BCAS3: variants seen among roughly 807,000 people sequenced by gnomAD.
The protein encoded by BCAS3 is BCAS4/BCAS3 fusion.
Under a neutral mutation model 116.1 loss-of-function variants are expected in BCAS3, and 53 were observed. The observed-to-expected ratio is 0.46, with a 90% CI of 0.37 to 0.57. BCAS3 has a LOEUF of 0.57. Among genes scored for constraint, BCAS3 ranks in the 20% least tolerant of loss-of-function variants. The probability of loss-of-function intolerance (pLI) is 0.00; values close to 1 mark genes in which losing one functional copy is unlikely to be tolerated. For missense variants in BCAS3, 917 were observed against 1,165.4 expected (o/e 0.79, Z 3.10); for synonymous variants, 391 against 408.2 (o/e 0.96, Z 0.51).
intron 22 of BCAS3, among the ~76,000 whole-genome samples, chr17:61,182,268 A>G (rs2079524552): frequency 6.6e-6 from 1 of 152,148 alleles, no homozygotes; most frequent in South Asian, 2.1e-4. Flanking sequence ...AGGCATCTAA[A>G]CCATTTTTAG....
intron 11 of BCAS3, among the ~76,000 whole-genome samples, chr17:60,904,124 G>A (rs1340022308): frequency 6.6e-6 from 1 of 152,164 alleles, no homozygotes; most frequent in African/African-American, 2.4e-5. Flanking sequence ...ATAAGTGCAG[G>A]GCTGGGCGCT....
At chr17:61,340,059 GC>G (rs2057027040) in intron 22 of BCAS3, among the ~76,000 whole-genome samples, 1 of 152,116 alleles carries the variant, frequency 6.6e-6, no homozygotes. Context: ...CAGAGAGGGG[GC>G]AAAGCCTCAT....
Position 61,037,812 on chromosome 17 carries a change from A to G in BCAS3, c.1763-77A>G, listed in dbSNP as rs754711941. On this transcript the variant is annotated intron_variant, in intron 17 of 23. Coordinates refer to ENST00000407086, the MANE Select transcript of BCAS3 (RefSeq NM_017679.5). This position sits in a 1 kb window ranked among gnomAD's most constrained non-coding sequence, Gnocchi z 4.7. Reference sequence around the variant, plus strand: ...GCAGCCTCAGGAGCAGACTAATAAGATCATTAACTTGTAAAAATTATTCTG... The same window carrying G: ...GCAGCCTCAGGAGCAGACTAATAAGGTCATTAACTTGTAAAAATTATTCTG... 18 of 1,345,232 alleles carry G rather than the reference A, an allele frequency of 1.3e-5. No individual in the cohort carries two copies. The highest frequency in any genetic ancestry group is 1.7e-5 in the Non-Finnish European group (17 of 972,732). The allele number at this position is 1,345,232 out of a possible 1,614,324, so 83.3% of individuals were successfully genotyped here.
At chr17:60,700,859 G>A (rs1453645320) in intron 4 of BCAS3, among the ~76,000 whole-genome samples, 1 of 152,170 alleles carries the variant, frequency 6.6e-6, no homozygotes, top group East Asian at 1.9e-4. Context: ...TGGGAGGAGT[G>A]TTAGGGACAT....
chr17:61,176,712 C>G (rs143247857), intron 22 of BCAS3, among the ~76,000 whole-genome samples: 1,722 of 152,102 alleles, frequency 0.011, 19 homozygotes, highest in Middle Eastern at 0.017. Flanking sequence ...CATGTGCCAA[C>G]ATGTCCCAAC....
chr17:60,911,498 G>A (rs982378826), intron 12 of BCAS3, among the ~76,000 whole-genome samples: 44 of 152,032 alleles, frequency 2.9e-4, no homozygotes, highest in Non-Finnish European at 4.1e-4. Flanking sequence ...GAGTTTCTCC[G>A]TGTTGGCCAG....
intron 22 of BCAS3, among the ~76,000 whole-genome samples, chr17:61,172,219 A>G (rs889370370): frequency 6.6e-6 from 1 of 152,226 alleles, no homozygotes; most frequent in African/African-American, 2.4e-5. Flanking sequence ...CAAGAAGGAG[A>G]TAGAATATTT....
chr17:61,205,452 G>A lies in BCAS3; in HGVS notation c.2425+120888G>A, dbSNP rs2081065678. ...TCTACAAGAAAGATAGCTGTTGAGA[G>A]AGCTAATATCAAGGAAATGGCAAAC... On this transcript the variant is annotated intron_variant, in intron 22 of 23. Transcript: ENST00000407086. The surrounding 1 kb of genome is among the most constrained non-coding windows in gnomAD (Gnocchi z 5.2). 6.6e-6 allele frequency among the ~76,000 whole-genome samples: 1 copy of A among 152,180 alleles called. No individual in the cohort carries two copies. The highest frequency in any genetic ancestry group is 2.4e-5 in the African/African-American group (1 of 41,434).
At chr17:61,190,202 C>T (rs1215920395) in intron 22 of BCAS3, among the ~76,000 whole-genome samples, 1 of 151,994 alleles carries the variant, frequency 6.6e-6, no homozygotes, top group Admixed American at 6.6e-5. Context: ...AGAGGAAAGC[C>T]ACATTACCAC....
chr17:61,309,307 AG>A lies in BCAS3; in HGVS notation c.2426-59017del, dbSNP rs1368475726. Among the ~76,000 whole-genome samples, 1 of 152,120 alleles carries A rather than the reference AG, an allele frequency of 6.6e-6. No individual in the cohort carries two copies. Among genetic ancestry groups the A allele is most frequent in the Non-Finnish European group, 1.5e-5 (1 of 68,018 alleles). The stretch of plus-strand genomic sequence containing the variant: ...CCCTTTCGTCCTCCCCATTCATTCT[AG>A]GGTAATAAGGGCTGGTGGAGAGGCG... On this transcript the variant is annotated intron_variant, in intron 22 of 23. Coordinates refer to ENST00000407086, the MANE Select transcript of BCAS3 (RefSeq NM_017679.5). The surrounding 1 kb of genome is among the most constrained non-coding windows in gnomAD (Gnocchi z 4.6).
chr17:61,211,025 TC>T lies in BCAS3; in HGVS notation c.2425+126464del, dbSNP rs1167782359. Among the ~76,000 whole-genome samples the T allele has an allele frequency of 6.6e-6, 1 of 151,578 alleles. No individual in the cohort carries two copies. Among genetic ancestry groups the T allele is most frequent in the African/African-American group, 2.4e-5 (1 of 41,222 alleles). On this transcript the variant is annotated intron_variant, in intron 22 of 23. Transcript: ENST00000407086. This position sits in a 1 kb window ranked among gnomAD's most constrained non-coding sequence, Gnocchi z 4.4. The stretch of plus-strand genomic sequence containing the variant: ...AGCCAAAGGCTTCCCTAAGCTAGGG[TC>T]CCATAGTCTTCCCCAAGCTAGGGTC...
chr17:60,960,708 C>T lies in BCAS3; in HGVS notation c.1221+13356C>T, dbSNP rs2145304563. Among the ~76,000 whole-genome samples, 1 of 151,998 alleles carries T rather than the reference C, an allele frequency of 6.6e-6. No homozygotes were observed. The highest frequency in any genetic ancestry group is 2.4e-5 in the African/African-American group (1 of 41,444). ...ATTGAAGGGTAGCACAGGTTTGCAC[C>T]TAGGTAGCTCTATCAGCCTGTTTCC... On this transcript the variant is annotated intron_variant, in intron 14 of 23. Transcript: ENST00000407086. This position sits in a 1 kb window ranked among gnomAD's most constrained non-coding sequence, Gnocchi z 4.1.
At chr17:60,802,295 A>AAAAAATATATAT (rs1299403402) in intron 6 of BCAS3, among the ~76,000 whole-genome samples, 2 of 127,946 alleles carry the variant, frequency 1.6e-5, no homozygotes, top group African/African-American at 7.3e-5. Flanking sequence ...AAAAAAAAAA[A>AAAAAATATATAT]ATATATATAT....
intron 10 of BCAS3, among the ~76,000 whole-genome samples, chr17:60,901,790 G>A (rs949436985): frequency 1.3e-5 from 2 of 152,136 alleles, no homozygotes; most frequent in African/African-American, 2.4e-5. Flanking sequence ...TAGATTCTTC[G>A]TGAATTCCAG....
At position 61,079,882 on chromosome 17, in the gene BCAS3, A is replaced by ATT. The variant is rs745702399; in HGVS notation, c.2327+1379_2327+1380dup. ...AAATGCTGGGATTACAGGCATGAGTATTTTTTTTTTTTTTTTTTTTTTTTT... is the reference window on the plus strand; with the variant it reads ...AAATGCTGGGATTACAGGCATGAGTATTTTTTTTTTTTTTTTTTTTTTTTTTT... On this transcript the variant is annotated intron_variant, in intron 21 of 23. Transcript: ENST00000407086. Among the ~76,000 whole-genome samples the ATT allele has an allele frequency of 4.5e-3, 299 of 65,890 alleles. 29 individuals are homozygous for ATT. Among genetic ancestry groups the ATT allele is most frequent in the Non-Finnish European group, 6.3e-3 (225 of 35,934 alleles). The allele number at this position is 65,890 out of a possible 152,430, so 43.2% of individuals were successfully genotyped here. A position where few individuals can be genotyped will look rare whatever the true frequency, so the allele number is the denominator to read the frequency against.
rs573871662 is a variant in BCAS3, at chr17:60,865,460, T to G, written c.477-3116T>G. Among the ~76,000 whole-genome samples, 6 of 152,346 alleles carry G rather than the reference T, an allele frequency of 3.9e-5. No individual in the cohort carries two copies. The South Asian group carries it at 1.0e-3, about 26-fold the overall frequency. Reference sequence around the variant, plus strand: ...ATTTATTTAGGTCTTTGATTTATTTTATCTGCATGTTATAGTTTTTAGTAT... The same window carrying G: ...ATTTATTTAGGTCTTTGATTTATTTGATCTGCATGTTATAGTTTTTAGTAT... On this transcript the variant is annotated intron_variant, in intron 7 of 23. Coordinates refer to ENST00000407086, the MANE Select transcript of BCAS3 (RefSeq NM_017679.5).
chr17:60,960,269 A>T lies in BCAS3; in HGVS notation c.1221+12917A>T, dbSNP rs1162834188. On this transcript the variant is annotated intron_variant, in intron 14 of 23. Coordinates refer to ENST00000407086, the MANE Select transcript of BCAS3 (RefSeq NM_017679.5). The surrounding 1 kb of genome is among the most constrained non-coding windows in gnomAD (Gnocchi z 4.1). Reference sequence around the variant, plus strand: ...TCAACTCTAAGTCTAAATTTTTTTTAAAAATATTATCGGCTCAAAGGTCCA... The same window carrying T: ...TCAACTCTAAGTCTAAATTTTTTTTTAAAATATTATCGGCTCAAAGGTCCA... 2.6e-5 allele frequency among the ~76,000 whole-genome samples: 4 copies of T among 152,248 alleles called. No homozygotes were observed. Among genetic ancestry groups the T allele is most frequent in the Admixed American group, 6.5e-5 (1 of 15,292 alleles).
rs886859088 is a variant in BCAS3, at chr17:61,379,824, G to C, written c.2593+11330G>C. 6 of 153,194 alleles carry C rather than the reference G, an allele frequency of 3.9e-5. No individual in the cohort carries two copies. Among genetic ancestry groups the C allele is most frequent in the African/African-American group, 1.4e-4 (6 of 41,574 alleles). The allele number at this position is 153,194 out of a possible 1,614,324, so 9.5% of individuals were successfully genotyped here. On this transcript the variant is annotated intron_variant, in intron 23 of 23. Transcript: ENST00000407086. This position sits in a 1 kb window ranked among gnomAD's most constrained non-coding sequence, Gnocchi z 5.5. ...GCCATCCAGTCGTGTCATTTGTTCA[G>C]GATGACTTTTCCATTCCACGCCCGC...
rs2054672553 is a variant in BCAS3 at position 61,315,709 on chromosome 17, A to C, written c.2426-52618A>C. 6.6e-6 allele frequency among the ~76,000 whole-genome samples: 1 copy of C among 151,910 alleles called. No individual in the cohort carries two copies. The highest frequency in any genetic ancestry group is 2.4e-5 in the African/African-American group (1 of 41,340). ...ACCAGGCTGACTGACCCCCCGTTTC[A>C]TGCCCCACGCCTTTGCTGGTACTGG... On this transcript the variant is annotated intron_variant, in intron 22 of 23. Coordinates refer to ENST00000407086, the MANE Select transcript of BCAS3 (RefSeq NM_017679.5). The surrounding 1 kb of genome is among the most constrained non-coding windows in gnomAD (Gnocchi z 5.3).
Sources: gnomAD v4.1 joint callset for allele counts (sites outside exome capture counted in the v4.1 genomes callset) on GRCh38, gnomAD v4.1.1 for gene constraint, Gnocchi (gnomAD v3.1) non-coding constraint, MANE v1.5 for transcripts, NCBI Gene and HGNC (gene_info 2026-07-23, HGNC 2026-07-21) for gene names.